Variants in DCC observed in about 807,000 individuals in gnomAD.
DCC encodes netrin receptor DCC.
DCC carries 58 observed loss-of-function variants against 172.5 expected under a neutral mutation model. The ratio of observed to expected loss-of-function variants is 0.34; its 90% CI spans 0.27 to 0.42. DCC has a LOEUF of 0.42. Among genes scored for constraint, DCC ranks in the 10% least tolerant of loss-of-function variants. The pLI is 1.00. For missense variants in DCC, 1,740 were observed against 1,791.0 expected (o/e 0.97, Z 0.51); for synonymous variants, 709 against 644.5 (o/e 1.10, Z -1.52).
chr18:53,467,226 A>G (rs2045633067), intron 24 of DCC, among the ~76,000 whole-genome samples: 1 of 152,106 alleles, frequency 6.6e-6, no homozygotes, highest in African/African-American at 2.4e-5. Context: ...TTTTATATGC[A>G]TACTACACAA....
intron 8 of DCC, among the ~76,000 whole-genome samples, chr18:53,163,648 C>T (rs900839143): frequency 1.3e-5 from 2 of 152,202 alleles, no homozygotes. Flanking sequence ...TTTTATCCAA[C>T]CCCTTGGGGT....
intron 14 of DCC, among the ~76,000 whole-genome samples, chr18:53,329,567 TA>T (rs1264156311): frequency 6.6e-6 from 1 of 152,024 alleles, no homozygotes; most frequent in Non-Finnish European, 1.5e-5. Flanking sequence ...ATGTATATCA[TA>T]AAAAATACAA....
intron 1 of DCC, among the ~76,000 whole-genome samples, chr18:52,699,763 C>CT (rs1291967670): frequency 5.9e-5 from 9 of 151,864 alleles, no homozygotes; most frequent in East Asian, 3.9e-4. Flanking sequence ...TAGGATATTA[C>CT]TTTTTTTTTC....
chr18:52,438,906 C>CA (rs1160908994), intron 1 of DCC, among the ~76,000 whole-genome samples: 1 of 152,114 alleles, frequency 6.6e-6, no homozygotes, highest in African/African-American at 2.4e-5. Context: ...AAGGGACCAG[C>CA]AATTTCCACC....
At chr18:53,411,499 A>G (rs965338112) in intron 20 of DCC, among the ~76,000 whole-genome samples, 1 of 152,186 alleles carries the variant, frequency 6.6e-6, no homozygotes, top group Non-Finnish European at 1.5e-5. Context: ...ATCTTAATAC[A>G]TGATAGTAAA....
At chr18:52,765,829 C>A (rs2037241162) in intron 2 of DCC, among the ~76,000 whole-genome samples, 1 of 152,178 alleles carries the variant, frequency 6.6e-6, no homozygotes, top group Non-Finnish European at 1.5e-5. Flanking sequence ...TTCACTAGTT[C>A]TGCAAACTTG....
intron 1 of DCC, among the ~76,000 whole-genome samples, chr18:52,470,970 C>T (rs1041288379): frequency 6.6e-5 from 10 of 152,144 alleles, no homozygotes; most frequent in Admixed American, 3.3e-4. Context: ...ATGCTGACCT[C>T]GAAGTACTGA....
intron 2 of DCC, among the ~76,000 whole-genome samples, chr18:52,903,809 G>C (rs1348123324): frequency 6.6e-6 from 1 of 152,180 alleles, no homozygotes; most frequent in African/African-American, 2.4e-5. Flanking sequence ...TTGTGTGGTA[G>C]ACACAGATCA....
intron 16 of DCC, among the ~76,000 whole-genome samples, chr18:53,388,405 C>T (rs1908317244): frequency 6.6e-6 from 1 of 152,170 alleles, no homozygotes; most frequent in Non-Finnish European, 1.5e-5. Context: ...TGGACAGTCT[C>T]GAACAAGGGC....
intron 1 of DCC, among the ~76,000 whole-genome samples, chr18:52,475,013 A>G (rs1989053547): frequency 6.6e-6 from 1 of 152,236 alleles, no homozygotes; most frequent in Non-Finnish European, 1.5e-5. Context: ...ATAAGAAAAC[A>G]CAGATAAGTT....
In DCC at chr18:52,641,026, C is replaced by T. The variant is rs1453549667; in HGVS notation, c.92-111028C>T. Among the ~76,000 whole-genome samples the T allele has an allele frequency of 2.6e-5, 4 of 152,178 alleles. No homozygotes were observed. In the South Asian group the frequency reaches 6.2e-4, roughly 24 times the overall value. On this transcript the variant is annotated intron_variant, in intron 1 of 28. Transcript: ENST00000442544. ...CTGGCATAAAAATAGGCACATAGAC[C>T]AATGGAACAGAATAGAAAAGCCAGA...
chr18:52,474,904 A>G (rs76042954), intron 1 of DCC, among the ~76,000 whole-genome samples: 2,425 of 152,264 alleles, frequency 0.016, 47 homozygotes, highest in East Asian at 0.04. Flanking sequence ...GGACTTTACC[A>G]TTTGGTCTTT....
chr18:53,425,587 C>T (rs562555578), intron 21 of DCC, among the ~76,000 whole-genome samples: 1 of 151,964 alleles, frequency 6.6e-6, no homozygotes, highest in Admixed American at 6.6e-5. Context: ...GTCTCGAACT[C>T]CTGACCTCAG....
intron 3 of DCC, among the ~76,000 whole-genome samples, chr18:52,910,433 A>G (rs2039955828): frequency 6.6e-6 from 1 of 152,210 alleles, no homozygotes; most frequent in South Asian, 2.1e-4. Flanking sequence ...TTTTAAGACA[A>G]ATTGAATTTT....
intron 1 of DCC, 117 bp from the exon 2 acceptor site, chr18:52,751,937 G>T: frequency 2.4e-6 from 2 of 832,860 alleles, no homozygotes; most frequent in East Asian, 2.7e-5. Context: ...ATTTATTCTT[G>T]GACATTGTTC....
intron 1 of DCC, among the ~76,000 whole-genome samples, chr18:52,452,300 C>T (rs1273415693): frequency 6.6e-6 from 1 of 152,202 alleles, no homozygotes; most frequent in African/African-American, 2.4e-5. Context: ...AAACCCTACT[C>T]TCTCTATATT....
intron 15 of DCC, among the ~76,000 whole-genome samples, chr18:53,354,295 G>T (rs888001223): frequency 6.6e-6 from 1 of 152,162 alleles, no homozygotes; most frequent in African/African-American, 2.4e-5. Flanking sequence ...GGATGGCTGA[G>T]TCAAATGGTA....
intron 21 of DCC, among the ~76,000 whole-genome samples, chr18:53,434,914 A>G (rs1457269219): frequency 6.6e-6 from 1 of 152,208 alleles, no homozygotes; most frequent in Non-Finnish European, 1.5e-5. Context: ...AGGATGGCAT[A>G]TCAGTGAAAC....
At chr18:52,501,739 A>G (rs548538823) in intron 1 of DCC, among the ~76,000 whole-genome samples, 81 of 152,244 alleles carry the variant, frequency 5.3e-4, no homozygotes, top group Non-Finnish European at 1.0e-3. Flanking sequence ...TGCTGTCAAA[A>G]TTTCTGAGTG....
Sources: allele counts gnomAD v4.1 joint callset (sites outside exome capture counted in the v4.1 genomes callset), GRCh38; gene constraint gnomAD v4.1.1; transcripts MANE v1.5; gene names NCBI Gene and HGNC (gene_info 2026-07-23, HGNC 2026-07-21).